Variants in GALNTL6 observed in about 807,000 individuals in gnomAD.
The protein encoded by GALNTL6 is polypeptide N-acetylgalactosaminyltransferase like 6, also known as polypeptide N-acetylgalactosaminyltransferase-like 6.
A neutral mutation model predicts 73.7 loss-of-function variants in GALNTL6; 46 were observed. That is an observed-to-expected ratio of 0.62 (90% CI 0.49 to 0.80). The LOEUF is 0.80. Among genes scored for constraint, GALNTL6 ranks in the 30% least tolerant of loss-of-function variants. The probability of loss-of-function intolerance (pLI) is 0.00; values close to 1 mark genes in which losing one functional copy is unlikely to be tolerated. For missense variants in GALNTL6, 604 were observed against 755.0 expected (o/e 0.80, Z 2.34); for synonymous variants, 259 against 263.7 (o/e 0.98, Z 0.17).
chr4:171,885,751 G>A (rs577043559), intron 2 of GALNTL6, among the ~76,000 whole-genome samples: 9 of 152,230 alleles, frequency 5.9e-5, no homozygotes, highest in Non-Finnish European at 1.0e-4. Flanking sequence ...GCTGCAGTAA[G>A]GCATGATTGC....
chr4:172,993,519 A>G (rs1211493703), intron 10 of GALNTL6, among the ~76,000 whole-genome samples: 2 of 152,226 alleles, frequency 1.3e-5, no homozygotes, highest in African/African-American at 4.8e-5. Flanking sequence ...ATGAGGTTAC[A>G]TTACAGACCA....
Position 172,065,175 on chromosome 4 carries a change from G to A in GALNTL6, c.139-164481G>A, listed in dbSNP as rs546858928. ...ATTTTGATAGGGTTGGGGGTTAGGG[G>A]GGATAGTTTCAAGATAAAACTGCTT... On this transcript the variant is annotated intron_variant, in intron 2 of 12. Coordinates refer to ENST00000506823, the MANE Select transcript of GALNTL6 (RefSeq NM_001034845.3). Among the ~76,000 whole-genome samples, 35 of 152,118 alleles carry A rather than the reference G, an allele frequency of 2.3e-4. No homozygotes were observed. In the East Asian group the frequency reaches 5.4e-3, roughly 24 times the overall value.
intron 2 of GALNTL6, among the ~76,000 whole-genome samples, chr4:172,214,542 G>A (rs1047983789): frequency 1.3e-4 from 19 of 142,150 alleles, no homozygotes; most frequent in African/African-American, 3.6e-4. Context: ...TTGAGACAGA[G>A]TCTCCTCTGT....
At chr4:172,891,155 C>CT (rs35365833) in intron 8 of GALNTL6, among the ~76,000 whole-genome samples, 1 of 150,624 alleles carries the variant, frequency 6.6e-6, no homozygotes, top group Admixed American at 6.6e-5. Context: ...CCACTCTGTG[C>CT]TTTTTAAGTG....
At chr4:171,919,027 G>T (rs900199198) in intron 2 of GALNTL6, among the ~76,000 whole-genome samples, 1 of 152,092 alleles carries the variant, frequency 6.6e-6, no homozygotes, top group Non-Finnish European at 1.5e-5. Context: ...AGGCCATAAA[G>T]TTGCAGTCAA....
chr4:171,912,359 G>A (rs1053531203), intron 2 of GALNTL6, among the ~76,000 whole-genome samples: 10 of 152,094 alleles, frequency 6.6e-5, no homozygotes, highest in Middle Eastern at 3.2e-3. Context: ...CTATTCTACA[G>A]TAAGGAAGGG....
chr4:172,390,056 A>T (rs1579026101), intron 5 of GALNTL6, among the ~76,000 whole-genome samples: 1 of 152,256 alleles, frequency 6.6e-6, no homozygotes, highest in East Asian at 1.9e-4. Context: ...ATGCAAAAAA[A>T]CTCAATGGAA....
intron 3 of GALNTL6, among the ~76,000 whole-genome samples, chr4:172,298,882 G>T (rs1340680359): frequency 2.6e-5 from 4 of 152,108 alleles, no homozygotes; most frequent in African/African-American, 9.7e-5. Flanking sequence ...CTGGCCTCAT[G>T]AAATGAGTTA....
chr4:172,490,439 G>A (rs1007047740), intron 5 of GALNTL6, among the ~76,000 whole-genome samples: 22 of 151,948 alleles, frequency 1.4e-4, no homozygotes, highest in Non-Finnish European at 2.9e-4. Flanking sequence ...CATTTTTAAA[G>A]CCCTAAAGTA....
intron 8 of GALNTL6, among the ~76,000 whole-genome samples, chr4:172,928,748 T>C (rs796420473): frequency 6.6e-6 from 1 of 152,338 alleles, no homozygotes; most frequent in African/African-American, 2.4e-5. Context: ...TTTTATCTTA[T>C]CAGAACTACA....
intron 2 of GALNTL6, among the ~76,000 whole-genome samples, chr4:172,162,128 C>G (rs983861544): frequency 3.3e-5 from 5 of 151,478 alleles, no homozygotes; most frequent in African/African-American, 9.7e-5. Context: ...TAAAATAAAA[C>G]TTTGTAGTAA....
intron 5 of GALNTL6, among the ~76,000 whole-genome samples, chr4:172,783,934 A>G (rs895140736): frequency 1.3e-5 from 2 of 152,178 alleles, no homozygotes; most frequent in African/African-American, 4.8e-5. Context: ...AAAAGTTAGA[A>G]GCTGGTAAGA....
chr4:172,359,216 ATCAT>A (rs1561044539), intron 5 of GALNTL6, among the ~76,000 whole-genome samples: 1 of 152,198 alleles, frequency 6.6e-6, no homozygotes, highest in Non-Finnish European at 1.5e-5. Flanking sequence ...AAAGAATGAG[ATCAT>A]ATTCTTTGCT....
chr4:172,255,381 T>C (rs1738038275), intron 3 of GALNTL6, among the ~76,000 whole-genome samples: 1 of 151,530 alleles, frequency 6.6e-6, no homozygotes, highest in South Asian at 2.1e-4. Flanking sequence ...AATGTAATAA[T>C]GGTTTCCCAA....
chr4:171,873,959 G>A (rs1736205132), intron 2 of GALNTL6, among the ~76,000 whole-genome samples: 1 of 152,160 alleles, frequency 6.6e-6, no homozygotes, highest in Non-Finnish European at 1.5e-5. Context: ...ATATGATCAG[G>A]AAGTCAGGTG....
intron 7 of GALNTL6, among the ~76,000 whole-genome samples, chr4:172,827,118 C>T (rs1387797623): frequency 6.6e-6 from 1 of 152,212 alleles, no homozygotes; most frequent in Non-Finnish European, 1.5e-5. Context: ...TGCTCTCTTG[C>T]ATGGTAGGGT....
chr4:172,371,982 G>A (rs1472140055), intron 5 of GALNTL6, among the ~76,000 whole-genome samples: 1 of 152,274 alleles, frequency 6.6e-6, no homozygotes, highest in African/African-American at 2.4e-5. Context: ...AAGCATACTT[G>A]CTATCTGTAT....
chr4:172,308,003 C>CTTTTTTT (rs70941399), intron 3 of GALNTL6, among the ~76,000 whole-genome samples: 392 of 34,584 alleles, frequency 0.011, 71 homozygotes, highest in South Asian at 0.016. Context: ...TGTGTTTTAA[C>CTTTTTTT]TTTTTTTTTT....
At chr4:172,530,249 CTT>C (rs983553417) in intron 5 of GALNTL6, among the ~76,000 whole-genome samples, 27 of 152,110 alleles carry the variant, frequency 1.8e-4, no homozygotes, top group African/African-American at 6.5e-4. Context: ...TAATTTGTCT[CTT>C]CCTTAAATTA....
Sources: allele counts gnomAD v4.1 joint callset (sites outside exome capture counted in the v4.1 genomes callset), GRCh38; gene constraint gnomAD v4.1.1; transcripts MANE v1.5; gene names NCBI Gene and HGNC (gene_info 2026-07-23, HGNC 2026-07-21).